Variants in EHMT2 observed in about 807,000 individuals in gnomAD.
EHMT2 encodes the protein histone-lysine N-methyltransferase EHMT2.
A neutral mutation model predicts 143.3 loss-of-function variants in EHMT2; 59 were observed. The ratio of observed to expected loss-of-function variants is 0.41; its 90% confidence interval spans 0.33 to 0.51. The LOEUF (loss-of-function observed/expected upper bound fraction) is 0.51. Among genes scored for constraint, EHMT2 ranks in the 20% least tolerant of loss-of-function variants. EHMT2 has a pLI of 0.18. For synonymous variants in EHMT2, 604 were observed against 651.5 expected (o/e 0.93, Z 1.11); for missense variants, 1,174 against 1,645.9 (o/e 0.71, Z 4.96).
chr6:31,879,954 A>C, exon 28 of EHMT2: 1 of 1,088,102 alleles, frequency 9.2e-7, no homozygotes, highest in Non-Finnish European at 1.3e-6. Context: ...ATCTCTGGTC[A>C]GGAATGTGTG....
chr6:31,881,761 G>A lies in EHMT2; in HGVS notation c.3198-669C>T, dbSNP rs575895057. Among the ~76,000 whole-genome samples the A allele has an allele frequency of 1.3e-5, 2 of 152,314 alleles. No homozygotes were observed. Among genetic ancestry groups the A allele is most frequent in the African/African-American group, 4.8e-5 (2 of 41,580 alleles). ...AGAGATGACATGATGGAAAGAAACT[G>A]GATGGTCTGTTGAACAGGCAAGTAT... On this transcript the variant is annotated intron_variant, in intron 25 of 27. Coordinates refer to ENST00000375537, the Ensembl canonical transcript of EHMT2. This position sits in a 1 kb window ranked among gnomAD's most constrained non-coding sequence, Gnocchi z 4.8.
Position 31,883,768 on chromosome 6 carries a change from C to T in EHMT2, c.2916+38G>A, listed in dbSNP as rs200441709. 2.2e-5 allele frequency: 36 copies of T among 1,605,708 alleles called. No homozygotes were observed. The highest frequency in any genetic ancestry group is 1.8e-4 in the Middle Eastern group (1 of 5,504). On this transcript the variant is annotated intron_variant, in intron 22 of 27. Transcript: ENST00000375537. The surrounding 1 kb of genome is among the most constrained non-coding windows in gnomAD (Gnocchi z 5.6). ...TTGTCCAACTGTACTTGGCAGCTCT[C>T]GGTGTCCTTTTGGGGAGGCCCCGGG...
At chr6:31,892,845 T>A in exon 5 of EHMT2, 1 of 1,604,788 alleles carries the variant, frequency 6.2e-7, no homozygotes, top group Non-Finnish European at 8.5e-7. Flanking sequence ...CCTTTCCCAG[T>A]GAGTGGACAT....
In EHMT2 at chr6:31,880,525, T is replaced by C; in HGVS notation, c.3452+148A>G. 1 of 948,182 alleles carries C rather than the reference T, an allele frequency of 1.1e-6. No individual in the cohort carries two copies. Among genetic ancestry groups the C allele is most frequent in the Non-Finnish European group, 1.5e-6 (1 of 647,958 alleles). 58.7% of individuals were successfully genotyped at this position (948,182 alleles called of 1,614,324 possible). On this transcript the variant is annotated intron_variant, in intron 27 of 27. Transcript: ENST00000375537. This position sits in a 1 kb window ranked among gnomAD's most constrained non-coding sequence, Gnocchi z 6.6. ...GGAGGCACAGGACTGTTTCCCCAAGTCCTCCAGGAAATACTTATGTACACT... is the reference window on the plus strand; with the variant it reads ...GGAGGCACAGGACTGTTTCCCCAAGCCCTCCAGGAAATACTTATGTACACT...
chr6:31,892,672 A>C, intron 6 of EHMT2, 22 bp downstream of exon 6: 1 of 1,613,088 alleles, frequency 6.2e-7, no homozygotes, highest in Non-Finnish European at 8.5e-7. Context: ...CGAGGGGTAG[A>C]GGCTCTGCCT....
Position 31,883,295 on chromosome 6 carries a change from G to C in EHMT2, c.2994+67C>G. 1 of 1,519,120 alleles carries C rather than the reference G, an allele frequency of 6.6e-7. No individual in the cohort carries two copies. The highest frequency in any genetic ancestry group is 9.1e-7 in the Non-Finnish European group (1 of 1,099,606). 94.1% of individuals were successfully genotyped at this position (1,519,120 alleles called of 1,614,324 possible). A position where few individuals can be genotyped will look rare whatever the true frequency, so the allele number is the denominator to read the frequency against. ...TGAGGGACATGGTCCCAGGGAGCTG[G>C]TTTATTGGAGGCTGGCTCCTCTGAA... On this transcript the variant is annotated intron_variant, in intron 23 of 27. Coordinates refer to ENST00000375537, the Ensembl canonical transcript of EHMT2. This position sits in a 1 kb window ranked among gnomAD's most constrained non-coding sequence, Gnocchi z 5.6.
rs765902784 is a variant in EHMT2 at position 31,888,452 on chromosome 6, G to A, written c.1420C>T (p.Arg474Cys). The change falls in exon 12 of 28, where the codon CGT (arginine) becomes TGT (cysteine). Residue 474 changes from arginine to cysteine, a missense_variant. Physicochemically the swap from Arg to Cys is radical, Grantham distance 180 (BLOSUM62 -3). Coordinates refer to ENST00000375537, the Ensembl canonical transcript of EHMT2. This position sits in a 1 kb window ranked among gnomAD's most constrained non-coding sequence, Gnocchi z 7.4. The stretch of plus-strand genomic sequence containing the variant: ...TCACAGAGCACCATCAGGGCCACAC[G>A]GCTGGATGGCCTCATGGTCTCCCGC... 18 of 1,612,912 alleles carry A rather than the reference G, an allele frequency of 1.1e-5. No homozygotes were observed. Among genetic ancestry groups the A allele is most frequent in the Admixed American group, 1.7e-5 (1 of 59,980 alleles).
chr6:31,888,779 G>A lies in EHMT2; in HGVS notation c.1217-32C>T. ...TGGAGGAAAAGAGGAGCTGAGGGAGGCTCTGCACCTCACCTACTGGGACCC... is the reference window on the plus strand; with the variant it reads ...TGGAGGAAAAGAGGAGCTGAGGGAGACTCTGCACCTCACCTACTGGGACCC... On this transcript the variant is annotated intron_variant, in intron 10 of 27. Transcript: ENST00000375537. The surrounding 1 kb of genome is among the most constrained non-coding windows in gnomAD (Gnocchi z 7.4). 6.2e-7 allele frequency: 1 copy of A among 1,608,134 alleles called. No homozygotes were observed. Among genetic ancestry groups the A allele is most frequent in the Non-Finnish European group, 8.5e-7 (1 of 1,178,828 alleles).
intron 4 of EHMT2, chr6:31,893,546 T>TG (rs1472719719): frequency 3.6e-6 from 1 of 274,742 alleles, no homozygotes; most frequent in African/African-American, 2.3e-5. Context: ...AGGCTGGTCT[T>TG]GAACTCCTGG....
At position 31,881,468 on chromosome 6, in the gene EHMT2, G is replaced by C. The variant is rs929851955; in HGVS notation, c.3198-376C>G. On this transcript the variant is annotated intron_variant, in intron 25 of 27. Coordinates refer to ENST00000375537, the Ensembl canonical transcript of EHMT2. This position sits in a 1 kb window ranked among gnomAD's most constrained non-coding sequence, Gnocchi z 4.8. ...ACTGCAGGAAGAGCCAGAGGTACAG[G>C]AGTGGCAAGGAACTCAAGGCATGAT... The C allele has an allele frequency of 2.0e-5, 7 of 341,608 alleles. No homozygotes were observed. The highest frequency in any genetic ancestry group is 3.9e-5 in the Non-Finnish European group (7 of 178,506). 21.2% of individuals were successfully genotyped at this position (341,608 alleles called of 1,614,324 possible). A position where few individuals can be genotyped will look rare whatever the true frequency, so the allele number is the denominator to read the frequency against.
In EHMT2 at chr6:31,883,671, G is replaced by T; in HGVS notation, c.2916+135C>A. On this transcript the variant is annotated intron_variant, in intron 22 of 27. Coordinates refer to ENST00000375537, the Ensembl canonical transcript of EHMT2. This position sits in a 1 kb window ranked among gnomAD's most constrained non-coding sequence, Gnocchi z 5.6. ...AGGAAAAGGATCCCTCCCCTGGTGG[G>T]GATGCGACCCCACACCAGGGCTCCC... 1 of 1,309,484 alleles carries T rather than the reference G, an allele frequency of 7.6e-7. No individual in the cohort carries two copies. The highest frequency in any genetic ancestry group is 1.1e-6 in the Non-Finnish European group (1 of 936,610). The allele number at this position is 1,309,484 out of a possible 1,614,324, so 81.1% of individuals were successfully genotyped here.
chr6:31,892,206 C>T (rs781160139), intron 7 of EHMT2, among the ~76,000 whole-genome samples: 4 of 152,120 alleles, frequency 2.6e-5, no homozygotes, highest in Non-Finnish European at 4.4e-5. Context: ...CGTGATATTG[C>T]GCTCCAGCCT....
rs1238835580 is a variant in EHMT2 at position 31,884,788 on chromosome 6, G to A, written c.2460C>T (p.Ile820=). The change falls in exon 20 of 28, where the codon ATC becomes ATT. Residue 820 remains isoleucine, a synonymous_variant. Coordinates refer to ENST00000375537, the Ensembl canonical transcript of EHMT2. The surrounding 1 kb of genome is among the most constrained non-coding windows in gnomAD (Gnocchi z 7.3). ...CCGTGAAGGAGGCCCAGTGCAGGCA[G>A]ATGTTCTCCTCCTGTGGAGGTAGGA... The A allele has an allele frequency of 6.3e-7, 1 of 1,599,410 alleles. No individual in the cohort carries two copies. The highest frequency in any genetic ancestry group is 8.5e-7 in the Non-Finnish European group (1 of 1,173,156).
Position 31,880,906 on chromosome 6 carries a change from C to G in EHMT2, c.3277-58G>C, listed in dbSNP as rs922278616. ...CCCCGACCCTGCTTGCCCTCCCCAC[C>G]CACTGACTCCCCAGTCCCTCCTCCC... is the stretch of plus-strand genomic sequence containing the variant. On this transcript the variant is annotated intron_variant, in intron 26 of 27. Coordinates refer to ENST00000375537, the Ensembl canonical transcript of EHMT2. This position sits in a 1 kb window ranked among gnomAD's most constrained non-coding sequence, Gnocchi z 6.6. The G allele has an allele frequency of 3.0e-5, 49 of 1,609,078 alleles. No individual in the cohort carries two copies. Among genetic ancestry groups the G allele is most frequent in the Non-Finnish European group, 5.1e-6 (6 of 1,176,748 alleles).
At chr6:31,897,515 T>G in intron 1 of EHMT2, 121 bp downstream of exon 1, 12 of 578,440 alleles carry the variant, frequency 2.1e-5, no homozygotes, top group South Asian at 7.8e-5. Context: ...GCCCCCTGGA[T>G]TGCTGCAAGT....
Position 31,892,848 on chromosome 6 carries a change from G to A in EHMT2, c.645C>T (p.His215=), listed in dbSNP as rs879035839. The A allele has an allele frequency of 8.7e-6, 14 of 1,604,924 alleles. 1 individual carries two copies. In the South Asian group the frequency reaches 1.4e-4, roughly 17 times the overall value. ...GACCTGAGGTCACCTTTCCCAGTGAGTGGACATCATCACTCATGCGGAAAT... is the reference window on the plus strand; with the variant it reads ...GACCTGAGGTCACCTTTCCCAGTGAATGGACATCATCACTCATGCGGAAAT... The change falls in exon 5 of 28, where the codon CAC becomes CAT. Residue 215 remains histidine, a synonymous_variant. Transcript: ENST00000375537.
chr6:31,893,654 C>A, intron 4 of EHMT2: 1 of 267,310 alleles, frequency 3.7e-6, no homozygotes, highest in Non-Finnish European at 7.6e-6. Flanking sequence ...GAGATGGGGT[C>A]TTGGTATGCT....
chr6:31,884,275 G>C lies in EHMT2; in HGVS notation c.2771+117C>G. ...GGGAGGGGGCCTGTGGGTGGTTCTG[G>C]GGATTCAGTGGTGCATGGGGAGGGG... On this transcript the variant is annotated intron_variant, in intron 21 of 27. Transcript: ENST00000375537. The surrounding 1 kb of genome is among the most constrained non-coding windows in gnomAD (Gnocchi z 7.3). 3 of 1,260,594 alleles carry C rather than the reference G, an allele frequency of 2.4e-6. No individual in the cohort carries two copies. In the South Asian group the frequency reaches 4.3e-5, roughly 18 times the overall value. 78.1% of individuals were successfully genotyped at this position (1,260,594 alleles called of 1,614,324 possible). A position where few individuals can be genotyped will look rare whatever the true frequency, so the allele number is the denominator to read the frequency against.
In EHMT2 at chr6:31,881,120, A is replaced by C. The variant is rs1026376237; in HGVS notation, c.3198-28T>G. On this transcript the variant is annotated intron_variant, in intron 25 of 27. Coordinates refer to ENST00000375537, the Ensembl canonical transcript of EHMT2. This position sits in a 1 kb window ranked among gnomAD's most constrained non-coding sequence, Gnocchi z 4.8. ...GTGGGACAGGAATCCATGGTTCTGAAGGTGAGTGTGGGCTATTAGGAGGTG... is the reference window on the plus strand; with the variant it reads ...GTGGGACAGGAATCCATGGTTCTGACGGTGAGTGTGGGCTATTAGGAGGTG... The C allele has an allele frequency of 1.2e-6, 2 of 1,602,484 alleles. No individual in the cohort carries two copies. The highest frequency in any genetic ancestry group is 1.7e-6 in the Non-Finnish European group (2 of 1,170,638).
Sources: gnomAD v4.1 joint callset for allele counts (sites outside exome capture counted in the v4.1 genomes callset) on GRCh38, gnomAD v4.1.1 for gene constraint, Gnocchi (gnomAD v3.1) non-coding constraint, MANE v1.5 for transcripts, NCBI Gene and HGNC (gene_info 2026-07-23, HGNC 2026-07-21) for gene names.